The following STAB1 variants were observed in gnomAD, a reference collection of about 807,000 sequenced individuals.
STAB1 encodes the protein stabilin-1.
Under a neutral mutation model 332.4 loss-of-function variants are expected in STAB1, and 250 were observed. The ratio of observed to expected loss-of-function variants is 0.75; its 90% CI spans 0.68 to 0.84. The LOEUF is 0.84. STAB1 is among the 40% of genes least tolerant of loss of function. STAB1 has a pLI of 0.00. For synonymous variants in STAB1, 1,475 were observed against 1,390.4 expected (o/e 1.06, Z -1.35); for missense variants, 3,249 against 3,489.7 (o/e 0.93, Z 1.74).
rs149734247 is a variant in STAB1, at chr3:52,505,749, C to A, written c.1663C>A (p.Arg555Ser). 29 of 1,613,730 alleles carry A rather than the reference C, an allele frequency of 1.8e-5. No homozygotes were observed. Among genetic ancestry groups the A allele is most frequent in the Admixed American group, 3.3e-5 (2 of 60,008 alleles). Residue 555 changes from arginine (R) to serine (S), a missense_variant, in exon 15 of 69, where the codon CGT becomes AGT. By Grantham distance (110) the Arg-to-Ser change is moderately radical. Transcript: ENST00000321725. ...AAGCAATGAGGCTGTGGACAGCTTG[C>A]GTGACGGCCGCCTGATCTACCTCTT... ...APSNEAVDSL[R>S]DGRLIYLFTA...
At chr3:52,517,271 A>AG (rs747662096) in intron 42 of STAB1, 49 bp from the exon 43 acceptor site, 149 of 1,424,404 alleles carry the variant, frequency 1.0e-4, no homozygotes, top group East Asian at 3.7e-4. Flanking sequence ...GGACAGAGGA[A>AG]GGGGGGGGCC....
intron 55 of STAB1, 77 bp downstream of exon 55, chr3:52,521,082 G>T: frequency 2.1e-6 from 3 of 1,448,510 alleles, no homozygotes; most frequent in South Asian, 1.4e-5. Context: ...CATTGTCCTT[G>T]AGAGAGTGTT....
Position 52,502,621 on chromosome 3 carries a change from G to T in STAB1, c.488-11G>T. 1 of 1,606,550 alleles carries T rather than the reference G, an allele frequency of 6.2e-7. No homozygotes were observed. Among genetic ancestry groups the T allele is most frequent in the Non-Finnish European group, 8.5e-7 (1 of 1,174,146 alleles). On this transcript the variant is annotated splice_polypyrimidine_tract_variant and intron_variant, in intron 5 of 68. Transcript: ENST00000321725. ...GCTGGGGCCCCATCTGTCTCTGTGT[G>T]TCCCTCCCAGTGTGCAGCTGTGTGC...
chr3:52,517,435 C>T lies in STAB1; in HGVS notation c.4563+42C>T, dbSNP rs373589649. 3.1e-5 allele frequency: 49 copies of T among 1,576,886 alleles called. No individual in the cohort carries two copies. In the African/African-American group the frequency reaches 5.5e-4, roughly 18 times the overall value. ...TGGACATGGGGCATCATGCCATGCC[C>T]TCACAGGATGGGGCCTCCCTTCAGG... On this transcript the variant is annotated intron_variant, in intron 43 of 68. Transcript: ENST00000321725.
rs150190727 is a variant in STAB1 at position 52,512,397 on chromosome 3, T to C, written c.2940T>C (p.Phe980=). ...GGGTCTGCACGTGCCCCCCTGGCTT[T>C]GGGGGTGATGGCTTCAGCTGTTATG... ...GQRVCTCPPG[F]GGDGFSCYGD... is the part of the protein sequence containing the mutation. Residue 980 remains phenylalanine (F), a synonymous_variant, in exon 27 of 69, where the codon TTT becomes TTC. Transcript: ENST00000321725. 6.1e-5 allele frequency: 98 copies of C among 1,610,202 alleles called. No individual in the cohort carries two copies. The highest frequency in any genetic ancestry group is 8.0e-5 in the Non-Finnish European group (94 of 1,178,840).
chr3:52,502,925 G>A, intron 6 of STAB1, 74 bp from the exon 7 acceptor site: 1 of 1,382,272 alleles, frequency 7.2e-7, no homozygotes, highest in Non-Finnish European at 9.7e-7. Flanking sequence ...CACAGAACAG[G>A]CAAGGCCCCT....
Position 52,516,047 on chromosome 3 carries a change from CG to C in STAB1, c.3955del (p.Asp1319ThrfsTer18), listed in dbSNP as rs1407929842. The C allele has an allele frequency of 7.5e-6, 12 of 1,607,388 alleles. No homozygotes were observed. The highest frequency in any genetic ancestry group is 1.0e-5 in the Non-Finnish European group (12 of 1,177,272). On this transcript the variant is annotated frameshift_variant, in exon 38 of 69. Transcript: ENST00000321725. LOFTEE classifies it high-confidence loss of function. ...CTCCCATCCCCACGCCGACAGGTGC[CG>C]GACTGCTGCCCTGGTTTCTTTGGCA... ...SYTCAKKIQV[P>X]DCCPGFFGTL...
chr3:52,519,920 C>T (rs1238266666), intron 50 of STAB1, 24 bp from the exon 51 acceptor site: 2 of 1,550,970 alleles, frequency 1.3e-6, no homozygotes, highest in South Asian at 2.4e-5. Context: ...CAGCGACTGC[C>T]ACATCTTTGC....
chr3:52,506,198 G>T lies in STAB1; in HGVS notation c.1778G>T (p.Gly593Val), dbSNP rs1439218622. ...QLTVEKLISK[G>V]RILTMANQVL... is the part of the protein sequence containing the mutation. Reference sequence around the variant, plus strand: ...ACCGTTGAGAAGCTCATCTCCAAGGGTCGGATCCTCACCATGGCGAACCAG... The same window carrying T: ...ACCGTTGAGAAGCTCATCTCCAAGGTTCGGATCCTCACCATGGCGAACCAG... Residue 593 changes from glycine (G) to valine (V), a missense_variant, in exon 17 of 69, where the codon GGT becomes GTT. Gly to Val is a moderately radical substitution (Grantham distance 109). Coordinates refer to ENST00000321725, the MANE Select transcript of STAB1 (RefSeq NM_015136.3). 1 of 1,612,696 alleles carries T rather than the reference G, an allele frequency of 6.2e-7. No individual in the cohort carries two copies. The highest frequency in any genetic ancestry group is 1.3e-5 in the African/African-American group (1 of 74,920).
In STAB1 at chr3:52,524,436, G is replaced by C. The variant is rs201684761; in HGVS notation, c.*80G>C. On this transcript the variant is annotated 3_prime_UTR_variant, in exon 69 of 69. Coordinates refer to ENST00000321725, the MANE Select transcript of STAB1 (RefSeq NM_015136.3). Reference sequence around the variant, plus strand: ...TTGTCTGGGTGGATGGGGCAGGAGGGGCTGAGGGCCTGTCCCAGACAATAA... The same window carrying C: ...TTGTCTGGGTGGATGGGGCAGGAGGCGCTGAGGGCCTGTCCCAGACAATAA... The C allele has an allele frequency of 6.2e-7, 1 of 1,611,674 alleles. No homozygotes were observed. Among genetic ancestry groups the C allele is most frequent in the East Asian group, 2.2e-5 (1 of 44,844 alleles).
In STAB1 at chr3:52,505,088, A is replaced by G. The variant is rs752349266; in HGVS notation, c.1463A>G (p.His488Arg). The G allele has an allele frequency of 6.2e-7, 1 of 1,613,616 alleles. No homozygotes were observed. Among genetic ancestry groups the G allele is most frequent in the African/African-American group, 1.3e-5 (1 of 74,938 alleles). Residue 488 changes from histidine to arginine, a missense_variant, in exon 13 of 69, where the codon CAC becomes CGC. His to Arg is a conservative substitution (Grantham distance 29, BLOSUM62 0). Transcript: ENST00000321725. ...ANNIAANGVF[H>R]VVTGLRWQAP... ...AACATAGCAGCTAATGGCGTCTTCCACGTGGTCACTGGCCTGCGGTGGCAG... is the reference window on the plus strand; with the variant it reads ...AACATAGCAGCTAATGGCGTCTTCCGCGTGGTCACTGGCCTGCGGTGGCAG...
Position 52,520,041 on chromosome 3 carries a change from G to C in STAB1, c.5333G>C (p.Arg1778Pro), listed in dbSNP as rs147045728. 3 of 1,612,452 alleles carry C rather than the reference G, an allele frequency of 1.9e-6. No homozygotes were observed. The highest frequency in any genetic ancestry group is 2.5e-6 in the Non-Finnish European group (3 of 1,179,864). ...GCCTTTCGAGCTCTGCCTCCGGATC[G>C]CCAGGCCTGGCTGTACCATGAGGAC... is the stretch of plus-strand genomic sequence containing the variant. The part of the protein sequence containing the change: ...DAAFRALPPD[R>P]QAWLYHEDHR... The change falls in exon 51 of 69, where the codon CGC (arginine) becomes CCC (proline). Residue 1778 changes from arginine (R) to proline (P), a missense_variant. Coordinates refer to ENST00000321725, the MANE Select transcript of STAB1 (RefSeq NM_015136.3).
In STAB1 at chr3:52,518,074, C is replaced by A; in HGVS notation, c.4761+71C>A. On this transcript the variant is annotated intron_variant, in intron 45 of 68. Coordinates refer to ENST00000321725, the MANE Select transcript of STAB1 (RefSeq NM_015136.3). ...CCATGGGCCTGACCCATGGTCTTGG[C>A]AAAGATCCGATTTGATCCTGATTCT... 3 of 1,540,268 alleles carry A rather than the reference C, an allele frequency of 1.9e-6. No homozygotes were observed. The Admixed American group carries it at 6.3e-5, about 33-fold the overall frequency.
rs780742943 is a variant in STAB1 at position 52,517,582 on chromosome 3, G to A, written c.4596G>A (p.Gly1532=). ...VSCSCREGYS[G]DGIRTCELLD... ...GCAGCTGCCGTGAGGGTTACAGCGG[G>A]GATGGCATCCGGACCTGCGAGCTCC... The change falls in exon 44 of 69, where the codon GGG becomes GGA. Residue 1532 remains glycine (G), a synonymous_variant. Transcript: ENST00000321725. The A allele has an allele frequency of 6.2e-7, 1 of 1,612,840 alleles. No individual in the cohort carries two copies. Among genetic ancestry groups the A allele is most frequent in the African/African-American group, 1.3e-5 (1 of 74,922 alleles).
In STAB1 at chr3:52,507,931, G is replaced by T; in HGVS notation, c.2053G>T (p.Asp685Tyr). 6.2e-7 allele frequency: 1 copy of T among 1,613,302 alleles called. No homozygotes were observed. Among genetic ancestry groups the T allele is most frequent in the South Asian group, 1.1e-5 (1 of 91,032 alleles). Residue 685 changes from aspartate to tyrosine, a missense_variant and splice_region_variant, in exon 20 of 69, where the codon GAC (aspartate) becomes TAC (tyrosine). Coordinates refer to ENST00000321725, the MANE Select transcript of STAB1 (RefSeq NM_015136.3). ...ACTGGCTTTGCATGGCCCACCCTAG[G>T]ACATCTTCCCCAAGGAGTGTGTCTA... The part of the protein sequence containing the change: ...STCPPNSVKL[D>Y]IFPKECVYIH...
chr3:52,524,236 G>A (rs1012709440), intron 68 of STAB1, 23 bp downstream of exon 68: 1 of 1,613,904 alleles, frequency 6.2e-7, no homozygotes, highest in Admixed American at 1.7e-5. Flanking sequence ...GTGAAGAAGT[G>A]TGGCAGATGT....
At position 52,503,885 on chromosome 3, in the gene STAB1, C is replaced by T. The variant is rs756576594; in HGVS notation, c.1005C>T (p.Thr335=). 9 of 1,613,196 alleles carry T rather than the reference C, an allele frequency of 5.6e-6. No homozygotes were observed. The highest frequency in any genetic ancestry group is 1.1e-5 in the South Asian group (1 of 91,074). Residue 335 remains threonine (T), a synonymous_variant, in exon 9 of 69, where the codon ACC becomes ACT. Transcript: ENST00000321725. The part of the protein sequence containing the change: ...SCDRSATCQV[T]ADGKTSCVCR... ...ACCGGTCTGCCACTTGCCAGGTGAC[C>T]GCTGATGGGAAGACCAGGTGAGCAC...
Position 52,520,500 on chromosome 3 carries a change from C to T in STAB1, c.5600C>T (p.Pro1867Leu). 1.2e-6 allele frequency: 2 copies of T among 1,612,614 alleles called. No homozygotes were observed. Among genetic ancestry groups the T allele is most frequent in the Non-Finnish European group, 1.7e-6 (2 of 1,179,904 alleles). The change falls in exon 53 of 69, where the codon CCT (proline) becomes CTT (leucine). Residue 1867 changes from proline (P) to leucine (L), a missense_variant. Pro to Leu is a moderately conservative substitution (Grantham distance 98). Transcript: ENST00000321725. Reference protein sequence around the residue: ...AYGIDQLLEPPGLGARCDHFE... With the variant: ...AYGIDQLLEPLGLGARCDHFE... ...GGCATCGACCAGCTGCTGGAGCCAC[C>T]TGGCCTTGGTGCTCGCTGTGACCAC...
At position 52,495,474 on chromosome 3, in the gene STAB1, A is replaced by G; in HGVS notation, c.61A>G (p.Ser21Gly). ...CLLAFCLAGFSFVRGQVLFKG... is the reference protein window; with the variant it reads ...CLLAFCLAGFGFVRGQVLFKG... ...CCTGGCCTTCTGCCTGGCAGGCTTC[A>G]GCTTCGTCAGGGGGCAGGTAAGTGT... Residue 21 changes from serine to glycine, a missense_variant, in exon 1 of 69, where the codon AGC (serine) becomes GGC (glycine). Coordinates refer to ENST00000321725, the MANE Select transcript of STAB1 (RefSeq NM_015136.3). The G allele has an allele frequency of 7.5e-7, 1 of 1,341,262 alleles. No individual in the cohort carries two copies. The allele number at this position is 1,341,262 out of a possible 1,614,324, so 83.1% of individuals were successfully genotyped here. A position where few individuals can be genotyped will look rare whatever the true frequency, so the allele number is the denominator to read the frequency against.
Sources: gnomAD v4.1 joint callset for allele counts on GRCh38, gnomAD v4.1.1 for gene constraint, MANE v1.5 for transcripts, NCBI Gene and HGNC (gene_info 2026-07-23, HGNC 2026-07-21) for gene names.